Variants in SHOC2 observed in about 807,000 individuals in gnomAD.
The protein encoded by SHOC2 is SHOC2 leucine rich repeat scaffold protein.
SHOC2 carries 4 observed loss-of-function variants against 50.2 expected under a neutral mutation model. The observed-to-expected ratio is 0.08, with a 90% CI of 0.04 to 0.18. The LOEUF (loss-of-function observed/expected upper bound fraction) is 0.18, where lower values mean the gene tolerates loss of function less well. Ranked by LOEUF, SHOC2 falls within the 10% of genes least tolerant of loss-of-function variation. SHOC2 has a pLI of 1.00. For missense variants in SHOC2, 388 were observed against 669.6 expected (o/e 0.58, Z 4.64); for synonymous variants, 218 against 244.5 (o/e 0.89, Z 1.01).
At chr10:110,948,174 A>G (rs1476310396) in intron 1 of SHOC2, among the ~76,000 whole-genome samples, 1 of 152,246 alleles carries the variant, frequency 6.6e-6, no homozygotes, top group African/African-American at 2.4e-5. Flanking sequence ...AGAAGATATA[A>G]TAGTTGTAAA....
chr10:110,942,819 A>G (rs1223796122), intron 1 of SHOC2, among the ~76,000 whole-genome samples: 1 of 152,162 alleles, frequency 6.6e-6, no homozygotes, highest in Non-Finnish European at 1.5e-5. Context: ...GATAGTTTTT[A>G]TGGATATAGA....
chr10:111,006,371 T>G (rs894348601), intron 5 of SHOC2, among the ~76,000 whole-genome samples: 40 of 152,270 alleles, frequency 2.6e-4, no homozygotes, highest in East Asian at 5.8e-4. Context: ...CAAATTTTTT[T>G]TTGTTGTTGT....
At chr10:110,987,060 G>A (rs925997155) in intron 3 of SHOC2, among the ~76,000 whole-genome samples, 2 of 152,106 alleles carry the variant, frequency 1.3e-5, no homozygotes, top group Non-Finnish European at 2.9e-5. Context: ...CCCCACCCTT[G>A]GCAGGCCCTA....
chr10:111,004,628 A>G lies in SHOC2; in HGVS notation c.995A>G (p.Lys332Arg). ...CAGAGTCTTTTATCAAGTCTTGTGA[A>G]ACTGAATAGTTTGACCTTAGCTAGA... ...LPESLLSSLV[K>R]LNSLTLARNC... The change falls in exon 5 of 9, where the codon AAA (lysine) becomes AGA (arginine). Residue 332 changes from lysine to arginine, a missense_variant. This residue lies in a region of SHOC2 where 48 missense variants were observed against 151.6 expected (regional missense o/e 0.32). Coordinates refer to ENST00000369452, the MANE Select transcript of SHOC2 (RefSeq NM_007373.4). 1 of 1,612,834 alleles carries G rather than the reference A, an allele frequency of 6.2e-7. No homozygotes were observed. The highest frequency in any genetic ancestry group is 8.5e-7 in the Non-Finnish European group (1 of 1,178,826).
intron 2 of SHOC2, among the ~76,000 whole-genome samples, chr10:110,980,584 A>G (rs1419023375): frequency 1.3e-5 from 2 of 152,160 alleles, no homozygotes; most frequent in Non-Finnish European, 2.9e-5. Flanking sequence ...AAGTCCATCC[A>G]TTCAAACCTA....
chr10:110,951,158 A>G (rs1662488909), intron 1 of SHOC2, among the ~76,000 whole-genome samples: 1 of 152,240 alleles, frequency 6.6e-6, no homozygotes, highest in Non-Finnish European at 1.5e-5. Context: ...CTTAATATCC[A>G]AAATATATTT....
At chr10:110,947,313 C>G (rs1231215012) in intron 1 of SHOC2, among the ~76,000 whole-genome samples, 1 of 152,238 alleles carries the variant, frequency 6.6e-6, no homozygotes, top group Non-Finnish European at 1.5e-5. Context: ...CTGAGGCTAG[C>G]CTGCTGGAGA....
chr10:110,940,088 A>G lies in SHOC2; in HGVS notation c.-235+20431A>G, dbSNP rs933539792. Among the ~76,000 whole-genome samples, 5 of 152,364 alleles carry G rather than the reference A, an allele frequency of 3.3e-5. No homozygotes were observed. In the East Asian group the frequency reaches 9.6e-4, roughly 29 times the overall value. On this transcript the variant is annotated intron_variant, in intron 1 of 8. Transcript: ENST00000369452. ...TTATTGGAAGAAATTTCTCTTTTAA[A>G]TAGCAGAATGATAAAAGTTATTAGT...
chr10:110,919,866 G>T, intron 1 of SHOC2: 1 of 365,518 alleles, frequency 2.7e-6, no homozygotes, highest in Non-Finnish European at 4.9e-6. Context: ...GTCTCCGGGA[G>T]TGCGGGGCCC....
intron 1 of SHOC2, among the ~76,000 whole-genome samples, chr10:110,922,326 G>A (rs1184697278): frequency 6.6e-6 from 1 of 152,096 alleles, no homozygotes; most frequent in Non-Finnish European, 1.5e-5. Context: ...AATTATGGAG[G>A]ATGGGTGAAT....
intron 1 of SHOC2, among the ~76,000 whole-genome samples, chr10:110,949,922 A>T (rs1847318738): frequency 6.6e-6 from 1 of 152,212 alleles, no homozygotes; most frequent in African/African-American, 2.4e-5. Context: ...GAAGGTACGT[A>T]TCTCAACACC....
intron 5 of SHOC2, among the ~76,000 whole-genome samples, chr10:111,006,229 TA>T (rs1848463749): frequency 6.6e-6 from 1 of 152,230 alleles, no homozygotes; most frequent in Non-Finnish European, 1.5e-5. Flanking sequence ...GTACTAAGCT[TA>T]AATATTACAT....
At chr10:110,976,814 A>G (rs1001707010) in intron 2 of SHOC2, among the ~76,000 whole-genome samples, 2 of 152,100 alleles carry the variant, frequency 1.3e-5, no homozygotes, top group Admixed American at 1.3e-4. Flanking sequence ...AAAATTAGAA[A>G]AATTTTGGCC....
chr10:110,925,482 T>A (rs1031958811), intron 1 of SHOC2, among the ~76,000 whole-genome samples: 1 of 152,156 alleles, frequency 6.6e-6, no homozygotes, highest in Non-Finnish European at 1.5e-5. Flanking sequence ...CAAGACAGGG[T>A]CTCGCTCTGT....
chr10:110,938,561 G>A (rs1179696919), intron 1 of SHOC2, among the ~76,000 whole-genome samples: 1 of 152,126 alleles, frequency 6.6e-6, no homozygotes, highest in Non-Finnish European at 1.5e-5. Context: ...AACACTGTGA[G>A]ATATTGATAG....
chr10:111,012,042 G>T lies in SHOC2; in HGVS notation c.*224G>T. 3.6e-6 allele frequency: 2 copies of T among 549,796 alleles called. No individual in the cohort carries two copies. Among genetic ancestry groups the T allele is most frequent in the Non-Finnish European group, 3.2e-6 (1 of 310,438 alleles). The allele number at this position is 549,796 out of a possible 1,614,324, so 34.1% of individuals were successfully genotyped here. On this transcript the variant is annotated 3_prime_UTR_variant, in exon 9 of 9. Coordinates refer to ENST00000369452, the MANE Select transcript of SHOC2 (RefSeq NM_007373.4). ...TGCTGAATTTGATGGATGTTTTTCT[G>T]TTGTGTAATCTGATATGCCAGTTTG...
intron 3 of SHOC2, among the ~76,000 whole-genome samples, chr10:111,000,061 A>G (rs962340859): frequency 1.3e-5 from 2 of 152,228 alleles, no homozygotes; most frequent in Non-Finnish European, 2.9e-5. Flanking sequence ...CATAACATAG[A>G]ACAAATGGAA....
chr10:110,990,264 T>C (rs945576676), intron 3 of SHOC2, among the ~76,000 whole-genome samples: 1 of 152,168 alleles, frequency 6.6e-6, no homozygotes, highest in African/African-American at 2.4e-5. Flanking sequence ...TATGTCTAGC[T>C]CAGGGATTGT....
At chr10:110,956,432 G>A (rs938684319) in intron 1 of SHOC2, among the ~76,000 whole-genome samples, 4 of 152,128 alleles carry the variant, frequency 2.6e-5, no homozygotes, top group African/African-American at 9.7e-5. Context: ...GGCCAAGCTG[G>A]TCTCAAACTC....
Sources: gnomAD v4.1 joint callset for allele counts (sites outside exome capture counted in the v4.1 genomes callset) on GRCh38, gnomAD v4.1.1 for gene constraint, gnomAD v4.1.1 regional missense constraint, MANE v1.5 for transcripts, NCBI Gene and HGNC (gene_info 2026-07-23, HGNC 2026-07-21) for gene names.